IGSF11: variants seen among roughly 807,000 people sequenced by gnomAD.
The protein encoded by IGSF11 is immunoglobulin superfamily member 11, also known as CXADR like 1.
IGSF11 carries 22 observed loss-of-function variants against 41.0 expected under a neutral mutation model. The observed-to-expected ratio is 0.54, with a 90% CI of 0.38 to 0.77. The LOEUF is 0.77. Ranked by LOEUF, IGSF11 falls within the 30% of genes least tolerant of loss-of-function variation. IGSF11 has a pLI of 0.00. For missense variants in IGSF11, 444 were observed against 530.8 expected, an observed-to-expected ratio of 0.84 and a Z score of 1.61; for synonymous variants, 219 against 201.3, an observed-to-expected ratio of 1.09 and a Z score of -0.74.
intron 1 of IGSF11, among the ~76,000 whole-genome samples, chr3:119,125,882 G>C (rs929047577): frequency 6.6e-6 from 1 of 152,166 alleles, no homozygotes; most frequent in Non-Finnish European, 1.5e-5. Context: ...ACCCAGCTGG[G>C]GAAACCGTGC....
chr3:119,092,694 C>G (rs2076784787), intron 1 of IGSF11, among the ~76,000 whole-genome samples: 1 of 152,184 alleles, frequency 6.6e-6, no homozygotes, highest in Non-Finnish European at 1.5e-5. Flanking sequence ...CTTTCGCTCA[C>G]TACTGATTCA....
At chr3:118,907,298 T>C (rs1166444203) in intron 4 of IGSF11, among the ~76,000 whole-genome samples, 1 of 152,204 alleles carries the variant, frequency 6.6e-6, no homozygotes, top group Non-Finnish European at 1.5e-5. Flanking sequence ...ATTCATTTAA[T>C]AAATAAATAT....
chr3:119,115,565 A>G (rs1229005201), intron 1 of IGSF11, among the ~76,000 whole-genome samples: 1 of 141,286 alleles, frequency 7.1e-6, no homozygotes, highest in Non-Finnish European at 1.6e-5. Flanking sequence ...AGAAATGTCT[A>G]TTCAGATTGT....
At chr3:119,048,725 A>G (rs1102589) in intron 1 of IGSF11, among the ~76,000 whole-genome samples, 39,496 of 150,738 alleles carry the variant, frequency 0.26, 5,151 homozygotes, top group African/African-American at 0.3. Context: ...TATCCTTGAT[A>G]AACATTGATG....
chr3:118,911,647 A>AG (rs1173966445), intron 4 of IGSF11, among the ~76,000 whole-genome samples: 4 of 151,042 alleles, frequency 2.6e-5, no homozygotes, highest in African/African-American at 9.9e-5. Context: ...AAAAAATGAG[A>AG]GAAGAGAGAG....
intron 1 of IGSF11, among the ~76,000 whole-genome samples, chr3:119,143,472 A>G (rs2077676410): frequency 6.6e-6 from 1 of 152,172 alleles, no homozygotes; most frequent in Admixed American, 6.5e-5. Flanking sequence ...CTAAAAATAT[A>G]TATACAGAAA....
intron 4 of IGSF11, among the ~76,000 whole-genome samples, chr3:118,921,724 G>A (rs1215236413): frequency 6.6e-6 from 1 of 152,066 alleles, no homozygotes; most frequent in Non-Finnish European, 1.5e-5. Context: ...ACATTATTCT[G>A]TTTTTGTATA....
intron 1 of IGSF11, among the ~76,000 whole-genome samples, chr3:118,942,554 T>G (rs1487947367): frequency 6.6e-6 from 1 of 152,180 alleles, no homozygotes. Context: ...GGCCAGAAAT[T>G]TAAGTTCTCA....
chr3:119,034,819 C>G lies in IGSF11; in HGVS notation c.-237G>C. The G allele has an allele frequency of 8.0e-7, 1 of 1,256,652 alleles. No homozygotes were observed. Among genetic ancestry groups the G allele is most frequent in the Non-Finnish European group, 1.0e-6 (1 of 1,000,210 alleles). 77.8% of individuals were successfully genotyped at this position (1,256,652 alleles called of 1,614,324 possible). A position where few individuals can be genotyped will look rare whatever the true frequency, so the allele number is the denominator to read the frequency against. On this transcript the variant is annotated 5_prime_UTR_variant, in exon 1 of 7. Coordinates refer to ENST00000393775, the MANE Select transcript of IGSF11 (RefSeq NM_001015887.3). ...ACCAGAGGCGTTCCGGGCTCGCCAG[C>G]CGTGCCACCCAGCCCTGCCCCAGGA...
At chr3:119,070,364 C>T (rs1000743404) in intron 1 of IGSF11, among the ~76,000 whole-genome samples, 1 of 152,076 alleles carries the variant, frequency 6.6e-6, no homozygotes, top group Non-Finnish European at 1.5e-5. Context: ...CAATATTGTT[C>T]TAATTAGAAT....
chr3:118,902,466 C>CCCGGT lies in IGSF11; in HGVS notation c.*53_*54insACCGG. On this transcript the variant is annotated 3_prime_UTR_variant, in exon 7 of 7. Transcript: ENST00000393775. ...CAGCACTCCCCACCCCACCCTCCCCCTTGTATGAGGGCATTCCATTTATTC... is the reference window on the plus strand; with the variant it reads ...CAGCACTCCCCACCCCACCCTCCCCCCCGGTTTGTATGAGGGCATTCCATTTATTC... 1.1e-6 allele frequency: 1 copy of CCCGGT among 878,270 alleles called. No homozygotes were observed. 54.4% of individuals were successfully genotyped at this position (878,270 alleles called of 1,614,324 possible). A position where few individuals can be genotyped will look rare whatever the true frequency, so the allele number is the denominator to read the frequency against.
At chr3:119,142,197 C>A (rs1005506075) in intron 1 of IGSF11, among the ~76,000 whole-genome samples, 1 of 147,850 alleles carries the variant, frequency 6.8e-6, no homozygotes, top group African/African-American at 2.5e-5. Flanking sequence ...ATGGCGTGAA[C>A]CTGGGAGGCG....
intron 1 of IGSF11, among the ~76,000 whole-genome samples, chr3:119,074,709 G>A (rs568348200): frequency 1.3e-4 from 20 of 151,860 alleles, no homozygotes; most frequent in Middle Eastern, 3.4e-3. Context: ...AAAATTAGCC[G>A]GGCATGGTGG....
intron 4 of IGSF11, among the ~76,000 whole-genome samples, chr3:118,910,384 CT>C (rs531880338): frequency 8.7e-4 from 133 of 152,280 alleles, no homozygotes; most frequent in Non-Finnish European, 8.5e-4. Context: ...GTTTAAACAT[CT>C]AATCGAGCCC....
chr3:119,074,153 T>C (rs770154048), intron 1 of IGSF11, among the ~76,000 whole-genome samples: 5 of 152,250 alleles, frequency 3.3e-5, no homozygotes, highest in Admixed American at 2.0e-4. Context: ...AACTTGACAA[T>C]TGACCAAATG....
At chr3:118,996,136 A>G (rs1936251067) in intron 1 of IGSF11, among the ~76,000 whole-genome samples, 1 of 152,238 alleles carries the variant, frequency 6.6e-6, no homozygotes, top group Non-Finnish European at 1.5e-5. Context: ...GATAAAATGG[A>G]CAGGGATACT....
At chr3:119,105,195 ATTC>A (rs112783701) in exon 1 of IGSF11, 2 of 1,601,262 alleles carry the variant, frequency 1.2e-6, no homozygotes, top group East Asian at 2.2e-5. Context: ...AGAGACATTT[ATTC>A]TTCTTGCCTG....
At chr3:118,910,443 C>G (rs190034779) in intron 4 of IGSF11, among the ~76,000 whole-genome samples, 1 of 152,136 alleles carries the variant, frequency 6.6e-6, no homozygotes, top group Non-Finnish European at 1.5e-5. Flanking sequence ...TTACCCTCCC[C>G]CACTGTGCCT....
intron 1 of IGSF11, 141 bp from the exon 2 acceptor site, chr3:118,930,416 G>T: frequency 1.4e-6 from 1 of 724,116 alleles, no homozygotes; most frequent in Non-Finnish European, 2.0e-6. Flanking sequence ...AACAACTGCT[G>T]ACCAGTCACT....
Sources: allele counts gnomAD v4.1 joint callset (sites outside exome capture counted in the v4.1 genomes callset), GRCh38; gene constraint gnomAD v4.1.1; transcripts MANE v1.5; gene names NCBI Gene and HGNC (gene_info 2026-07-23, HGNC 2026-07-21).